Variants in SUZ12 observed in about 807,000 individuals in gnomAD.
SUZ12 encodes polycomb protein SUZ12.
Under a neutral mutation model 87.3 loss-of-function variants are expected in SUZ12, and 17 were observed. The ratio of observed to expected loss-of-function variants is 0.19; its 90% CI spans 0.13 to 0.29. The LOEUF is 0.29. Ranked by LOEUF, SUZ12 falls within the 10% of genes least tolerant of loss-of-function variation. SUZ12 has a pLI of 1.00. For missense variants in SUZ12, 526 were observed against 912.2 expected (o/e 0.58, Z 5.45); for synonymous variants, 253 against 312.4 (o/e 0.81, Z 2.01).
At chr17:31,994,047 A>C in intron 12 of SUZ12, 39 bp downstream of exon 12, 1 of 1,595,744 alleles carries the variant, frequency 6.3e-7, no homozygotes, top group Non-Finnish European at 8.5e-7. Context: ...TGTGTTAAGA[A>C]ATCTCTTGTA....
intron 10 of SUZ12, among the ~76,000 whole-genome samples, chr17:31,989,765 A>ATTTTT (rs568524946): frequency 6.0e-4 from 78 of 129,858 alleles, no homozygotes; most frequent in Non-Finnish European, 7.8e-4. Context: ...CGACCAGCTA[A>ATTTTT]TTTTTTTTTT....
intron 3 of SUZ12, among the ~76,000 whole-genome samples, chr17:31,942,799 A>G (rs1295158430): frequency 1.3e-5 from 2 of 152,362 alleles, no homozygotes; most frequent in East Asian, 3.8e-4. Context: ...ATACATAATT[A>G]TCAATGCAAG....
chr17:31,965,046 A>G (rs1458478758), intron 4 of SUZ12, among the ~76,000 whole-genome samples: 2 of 151,834 alleles, frequency 1.3e-5, no homozygotes, highest in Admixed American at 6.6e-5. Flanking sequence ...ATATGTCCTT[A>G]TTTCCAGTCA....
Position 31,999,853 on chromosome 17 carries a change from A to G in SUZ12, c.*850A>G, listed in dbSNP as rs1275183299. The G allele has an allele frequency of 4.3e-6, 1 of 232,600 alleles. No homozygotes were observed. The highest frequency in any genetic ancestry group is 2.2e-5 in the African/African-American group (1 of 45,326). 14.4% of individuals were successfully genotyped at this position (232,600 alleles called of 1,614,324 possible). ...ATCTTTAAATTAGGATTGCAAACCA[A>G]GGAAAGAACGCATTTGAGATTTTAA... On this transcript the variant is annotated 3_prime_UTR_variant, in exon 16 of 16. Transcript: ENST00000322652.
intron 8 of SUZ12, among the ~76,000 whole-genome samples, chr17:31,981,747 A>G: frequency 6.6e-6 from 1 of 152,248 alleles, no homozygotes; most frequent in Non-Finnish European, 1.5e-5. Flanking sequence ...AGACACCTGG[A>G]TTCATTTGCT....
rs1483948296 is a variant in SUZ12, at chr17:31,995,594, A to G, written c.1626A>G (p.Glu542=). 5 of 1,614,062 alleles carry G rather than the reference A, an allele frequency of 3.1e-6. No homozygotes were observed. The highest frequency in any genetic ancestry group is 4.2e-6 in the Non-Finnish European group (5 of 1,179,994). Reference sequence around the variant, plus strand: ...AACGAACAAAAGCAAGCATGTCTGAATTTCTTGAATCTGAAGATGGGGAAG... The same window carrying G: ...AACGAACAAAAGCAAGCATGTCTGAGTTTCTTGAATCTGAAGATGGGGAAG... ...RPKRTKASMS[E]FLESEDGEVE... is the part of the protein sequence containing the mutation. Residue 542 remains glutamate, a synonymous_variant, in exon 14 of 16, where the codon GAA becomes GAG. Coordinates refer to ENST00000322652, the MANE Select transcript of SUZ12 (RefSeq NM_015355.4).
At chr17:31,942,019 A>AT (rs1906323485) in intron 3 of SUZ12, among the ~76,000 whole-genome samples, 1 of 151,580 alleles carries the variant, frequency 6.6e-6, no homozygotes, top group South Asian at 2.1e-4. Context: ...CACCCAGCTG[A>AT]TTTTTTGTAT....
chr17:31,967,930 G>T (rs1908195666), intron 5 of SUZ12, among the ~76,000 whole-genome samples: 1 of 152,158 alleles, frequency 6.6e-6, no homozygotes, highest in Non-Finnish European at 1.5e-5. Context: ...ACCTTGGGAG[G>T]CTGAGATGGA....
chr17:31,991,665 C>T (rs1011937473), intron 10 of SUZ12, among the ~76,000 whole-genome samples: 2 of 151,812 alleles, frequency 1.3e-5, no homozygotes, highest in Admixed American at 6.6e-5. Context: ...AGTGCAGTGG[C>T]GAAACCTCAG....
At chr17:31,996,999 C>A (rs1366056685) in intron 15 of SUZ12, 122 bp downstream of exon 15, 2 of 685,088 alleles carry the variant, frequency 2.9e-6, no homozygotes, top group Middle Eastern at 4.8e-4. Context: ...GTATATTTGT[C>A]CCAAATTTTA....
At chr17:31,967,872 A>T (rs1179803520) in intron 5 of SUZ12, among the ~76,000 whole-genome samples, 1 of 152,150 alleles carries the variant, frequency 6.6e-6, no homozygotes, top group Non-Finnish European at 1.5e-5. Context: ...TCTCCAAAAA[A>T]TCCCAAATAT....
chr17:31,978,035 G>A (rs146111565), intron 8 of SUZ12, among the ~76,000 whole-genome samples: 1 of 152,160 alleles, frequency 6.6e-6, no homozygotes, highest in African/African-American at 2.4e-5. Context: ...ACCAGTGAAA[G>A]AATGTCTGGG....
intron 4 of SUZ12, among the ~76,000 whole-genome samples, chr17:31,958,719 G>T (rs1350501982): frequency 6.6e-6 from 1 of 152,138 alleles, no homozygotes; most frequent in Non-Finnish European, 1.5e-5. Context: ...GGTGGCATGT[G>T]CCTGTATTTC....
intron 5 of SUZ12, among the ~76,000 whole-genome samples, chr17:31,968,746 G>A (rs1297503515): frequency 6.6e-6 from 1 of 152,074 alleles, no homozygotes; most frequent in Non-Finnish European, 1.5e-5. Flanking sequence ...CTTCTGACGT[G>A]TCTAGACTTT....
At chr17:31,947,549 CAAT>C (rs1906706101) in intron 3 of SUZ12, 65 bp from the exon 4 acceptor site, 1 of 1,537,250 alleles carries the variant, frequency 6.5e-7, no homozygotes, top group African/African-American at 1.4e-5. Context: ...ATTAGAGTGA[CAAT>C]AAAGTATAAT....
chr17:31,959,422 G>C (rs2449782), intron 4 of SUZ12, among the ~76,000 whole-genome samples: 1 of 152,112 alleles, frequency 6.6e-6, no homozygotes, highest in Non-Finnish European at 1.5e-5. Context: ...ATCCACCATT[G>C]AGCTTTATCT....
chr17:31,940,030 GAA>G (rs1760519578), intron 1 of SUZ12, among the ~76,000 whole-genome samples: 1 of 152,162 alleles, frequency 6.6e-6, no homozygotes, highest in South Asian at 2.1e-4. Flanking sequence ...AACTATCTTA[GAA>G]AGGCTTAAGA....
At chr17:31,998,280 A>T (rs1910086683) in intron 15 of SUZ12, among the ~76,000 whole-genome samples, 1 of 151,938 alleles carries the variant, frequency 6.6e-6, no homozygotes. Flanking sequence ...GGGGTTTCAC[A>T]GTGTTAGCCA....
At chr17:31,939,931 C>T (rs1239479255) in intron 1 of SUZ12, among the ~76,000 whole-genome samples, 1 of 152,186 alleles carries the variant, frequency 6.6e-6, no homozygotes, top group Non-Finnish European at 1.5e-5. Flanking sequence ...ATTACAGCTG[C>T]TTTTTGGAAG....
Sources: gnomAD v4.1 joint callset for allele counts (sites outside exome capture counted in the v4.1 genomes callset) on GRCh38, gnomAD v4.1.1 for gene constraint, MANE v1.5 for transcripts, NCBI Gene and HGNC (gene_info 2026-07-23, HGNC 2026-07-21) for gene names.